Variants in ROBO1 observed in about 807,000 individuals in gnomAD.
The protein encoded by ROBO1 is roundabout homolog 1.
A neutral mutation model predicts 195.9 loss-of-function variants in ROBO1; 149 were observed. That is an observed-to-expected ratio of 0.76 (90% confidence interval 0.67 to 0.87). ROBO1 has a LOEUF of 0.87. Ranked by LOEUF, ROBO1 falls within the 40% of genes least tolerant of loss-of-function variation. The pLI is 0.00. For missense variants in ROBO1, 1,933 were observed against 2,068.3 expected (o/e 0.93, Z 1.27); for synonymous variants, 816 against 733.2 (o/e 1.11, Z -1.82).
At chr3:79,739,418 C>T (rs1703529320) in intron 1 of ROBO1, among the ~76,000 whole-genome samples, 1 of 152,102 alleles carries the variant, frequency 6.6e-6, no homozygotes, top group African/African-American at 2.4e-5. Context: ...CTCCATCTGC[C>T]AACTTTTCCT....
chr3:79,489,612 G>A (rs1289576228), intron 2 of ROBO1, among the ~76,000 whole-genome samples: 5 of 143,408 alleles, frequency 3.5e-5, no homozygotes, highest in African/African-American at 7.8e-5. Flanking sequence ...CCGAGAACAC[G>A]CCACTGCACT....
chr3:79,502,152 G>A (rs970211492), intron 2 of ROBO1, among the ~76,000 whole-genome samples: 1 of 152,192 alleles, frequency 6.6e-6, no homozygotes, highest in Non-Finnish European at 1.5e-5. Flanking sequence ...CGCCCACTCT[G>A]GCCGCGCTTG....
At chr3:78,642,433 A>C (rs1282275133) in intron 21 of ROBO1, among the ~76,000 whole-genome samples, 1 of 152,148 alleles carries the variant, frequency 6.6e-6, no homozygotes, top group East Asian at 1.9e-4. Context: ...CCACTGGCAG[A>C]TTGAATGAGC....
chr3:78,818,357 C>T (rs931835479), intron 4 of ROBO1, among the ~76,000 whole-genome samples: 5 of 152,142 alleles, frequency 3.3e-5, no homozygotes, highest in Admixed American at 6.5e-5. Context: ...CCACGCCAGA[C>T]GCCCTGGAGC....
chr3:79,481,725 C>T (rs1347923284), intron 2 of ROBO1, among the ~76,000 whole-genome samples: 1 of 152,168 alleles, frequency 6.6e-6, no homozygotes, highest in Non-Finnish European at 1.5e-5. Flanking sequence ...CAATCTTATT[C>T]ATTTTGCCAC....
chr3:79,457,309 GTTA>G (rs1169839298), intron 2 of ROBO1, among the ~76,000 whole-genome samples: 1 of 152,026 alleles, frequency 6.6e-6, no homozygotes, highest in Admixed American at 6.6e-5. Flanking sequence ...ACTGTTATTA[GTTA>G]TAAATGTTGC....
intron 2 of ROBO1, among the ~76,000 whole-genome samples, chr3:79,463,979 A>G (rs1014946557): frequency 2.0e-5 from 3 of 152,128 alleles, no homozygotes; most frequent in Non-Finnish European, 4.4e-5. Flanking sequence ...TCTCCTTTCC[A>G]TCTCTATAGA....
chr3:79,762,159 G>A (rs191712258), intron 1 of ROBO1, among the ~76,000 whole-genome samples: 1 of 152,234 alleles, frequency 6.6e-6, no homozygotes, highest in East Asian at 1.9e-4. Context: ...TTAGAGGCTG[G>A]AAAGTCCAAT....
intron 2 of ROBO1, among the ~76,000 whole-genome samples, chr3:79,514,930 G>A (rs1196504597): frequency 1.3e-5 from 2 of 152,114 alleles, no homozygotes; most frequent in Non-Finnish European, 2.9e-5. Context: ...TTACAAATAT[G>A]GAATCACATA....
intron 2 of ROBO1, among the ~76,000 whole-genome samples, chr3:79,395,150 C>A (rs945274126): frequency 1.4e-4 from 21 of 151,630 alleles, no homozygotes; most frequent in Admixed American, 3.3e-4. Context: ...GGTGCAACCC[C>A]GTCTCCACTA....
At chr3:78,979,842 C>T (rs917598966) in intron 3 of ROBO1, among the ~76,000 whole-genome samples, 6 of 151,542 alleles carry the variant, frequency 4.0e-5, no homozygotes, top group Non-Finnish European at 5.9e-5. Flanking sequence ...CACACACACA[C>T]GAGATCTACT....
At chr3:78,745,280 C>G (rs558614138) in intron 5 of ROBO1, among the ~76,000 whole-genome samples, 74 of 148,692 alleles carry the variant, frequency 5.0e-4, no homozygotes, top group African/African-American at 1.8e-3. Flanking sequence ...TGCACTCCAG[C>G]CTGGTGACAG....
intron 2 of ROBO1, among the ~76,000 whole-genome samples, chr3:79,229,491 G>T (rs1377619623): frequency 3.9e-5 from 6 of 152,096 alleles, no homozygotes; most frequent in Non-Finnish European, 8.8e-5. Flanking sequence ...CCATTGCCCA[G>T]GATAGAGTGC....
intron 4 of ROBO1, among the ~76,000 whole-genome samples, chr3:78,784,815 C>T (rs2083782753): frequency 1.3e-5 from 2 of 152,132 alleles, no homozygotes; most frequent in African/African-American, 4.8e-5. Flanking sequence ...TTGCAACTAT[C>T]AGGGTTACTA....
At chr3:78,691,192 T>C (rs1429191509) in intron 8 of ROBO1, among the ~76,000 whole-genome samples, 1 of 152,184 alleles carries the variant, frequency 6.6e-6, no homozygotes, top group Non-Finnish European at 1.5e-5. Flanking sequence ...CAATCTGTCA[T>C]CGTTATCTAT....
intron 1 of ROBO1, among the ~76,000 whole-genome samples, chr3:79,608,406 C>T (rs1391168957): frequency 6.6e-6 from 1 of 151,830 alleles, no homozygotes; most frequent in Non-Finnish European, 1.5e-5. Flanking sequence ...TCTCATATAC[C>T]AAGAGTCTCA....
chr3:79,222,688 T>A (rs2082161225), intron 2 of ROBO1, among the ~76,000 whole-genome samples: 1 of 152,050 alleles, frequency 6.6e-6, no homozygotes, highest in African/African-American at 2.4e-5. Flanking sequence ...TAGATTTTTT[T>A]AAATGTTGAG....
intron 2 of ROBO1, among the ~76,000 whole-genome samples, chr3:79,239,552 G>C (rs2082473838): frequency 6.6e-6 from 1 of 152,098 alleles, no homozygotes; most frequent in African/African-American, 2.4e-5. Flanking sequence ...TGCTTTCCAA[G>C]AGTATCTGAC....
intron 1 of ROBO1, among the ~76,000 whole-genome samples, chr3:79,660,450 C>T (rs1946296624): frequency 6.6e-6 from 1 of 152,042 alleles, no homozygotes. Flanking sequence ...CGATCACTCC[C>T]AAGACACACG....
Sources: allele counts gnomAD v4.1 joint callset (sites outside exome capture counted in the v4.1 genomes callset), GRCh38; gene constraint gnomAD v4.1.1; transcripts MANE v1.5; gene names NCBI Gene and HGNC (gene_info 2026-07-23, HGNC 2026-07-21).